The following NUFIP1 variants were observed in gnomAD, a reference collection of about 807,000 sequenced individuals.
NUFIP1 encodes the protein FMR1-interacting protein NUFIP1.
NUFIP1 carries 38 observed loss-of-function variants against 56.2 expected under a neutral mutation model. That is an observed-to-expected ratio of 0.68 (90% confidence interval 0.52 to 0.89). The LOEUF is 0.89. NUFIP1 is among the 40% of genes least tolerant of loss of function. The pLI is 0.00. For synonymous variants in NUFIP1, 215 were observed against 212.4 expected (o/e 1.01, Z -0.10); for missense variants, 567 against 605.8 (o/e 0.94, Z 0.67).
intron 5 of NUFIP1, among the ~76,000 whole-genome samples, chr13:44,968,175 A>C (rs949964676): frequency 6.6e-6 from 1 of 152,220 alleles, no homozygotes; most frequent in African/African-American, 2.4e-5. Context: ...ATTAATGTAC[A>C]AACTATAAAT....
intron 1 of NUFIP1, among the ~76,000 whole-genome samples, chr13:44,987,357 AAC>A (rs1297955181): frequency 2.0e-5 from 3 of 152,144 alleles, no homozygotes; most frequent in Non-Finnish European, 4.4e-5. Flanking sequence ...CAGCCTGAGC[AAC>A]AGAGACTCTG....
rs199660590 is a variant in NUFIP1, at chr13:44,989,048, T to G, written c.389A>C (p.His130Pro). The G allele has an allele frequency of 3.0e-5, 49 of 1,614,086 alleles. No homozygotes were observed. In the East Asian group the frequency reaches 1.0e-3, roughly 34 times the overall value. ...WRQSSDRFPR[H>P]QKSFNPAVKN... ...ACCTGCAGGGTTGAAGGACTTCTGA[T>G]GCCGAGGAAACCTATCAGAAGACTG... The change falls in exon 1 of 10, where the codon CAT becomes CCT. Residue 130 changes from histidine to proline, a missense_variant. His to Pro is a moderately conservative substitution (Grantham distance 77). Transcript: ENST00000379161.
chr13:44,953,115 C>T (rs1871131161), intron 7 of NUFIP1, among the ~76,000 whole-genome samples: 1 of 152,124 alleles, frequency 6.6e-6, no homozygotes, highest in Non-Finnish European at 1.5e-5. Flanking sequence ...TTCTCTACTA[C>T]AAAGTTACTA....
chr13:44,939,826 A>G lies in NUFIP1; in HGVS notation c.*1380T>C, dbSNP rs2137886768. The G allele has an allele frequency of 6.6e-6, 1 of 152,316 alleles. No individual in the cohort carries two copies. Among genetic ancestry groups the G allele is most frequent in the South Asian group, 2.1e-4 (1 of 4,824 alleles). 9.4% of individuals were successfully genotyped at this position (152,316 alleles called of 1,614,324 possible). A position where few individuals can be genotyped will look rare whatever the true frequency, so the allele number is the denominator to read the frequency against. The stretch of plus-strand genomic sequence containing the variant: ...GTGGGGATCAACAACATCCCTGGAG[A>G]TATGGTCATCAATGAAAGTAGTCCA... On this transcript the variant is annotated 3_prime_UTR_variant, in exon 10 of 10. Coordinates refer to ENST00000379161, the MANE Select transcript of NUFIP1 (RefSeq NM_012345.3).
intron 7 of NUFIP1, among the ~76,000 whole-genome samples, chr13:44,950,165 G>A (rs1173595865): frequency 6.6e-6 from 1 of 152,164 alleles, no homozygotes; most frequent in Non-Finnish European, 1.5e-5. Context: ...CAGGTAGTAG[G>A]AAGACCCAAA....
At chr13:44,946,417 C>T (rs1870903247) in intron 8 of NUFIP1, among the ~76,000 whole-genome samples, 1 of 152,080 alleles carries the variant, frequency 6.6e-6, no homozygotes, top group Admixed American at 6.5e-5. Context: ...TTTGAGGAAA[C>T]ATAATTTTGG....
At chr13:44,964,540 T>C (rs889923866) in intron 6 of NUFIP1, among the ~76,000 whole-genome samples, 3 of 152,052 alleles carry the variant, frequency 2.0e-5, no homozygotes, top group Non-Finnish European at 4.4e-5. Context: ...AATCCCTGAA[T>C]TGAGGAACTG....
intron 7 of NUFIP1, among the ~76,000 whole-genome samples, chr13:44,951,175 T>C (rs1344312450): frequency 9.9e-5 from 15 of 152,210 alleles, no homozygotes; most frequent in Admixed American, 9.8e-4. Context: ...TTTATGTGAA[T>C]TACTAGTAGA....
chr13:44,984,291 C>T (rs1227706350), intron 1 of NUFIP1, among the ~76,000 whole-genome samples: 1 of 152,194 alleles, frequency 6.6e-6, no homozygotes, highest in Non-Finnish European at 1.5e-5. Flanking sequence ...ATACTTATAA[C>T]ATATCTCATC....
At chr13:44,966,015 T>C in intron 5 of NUFIP1, 79 bp from the exon 6 acceptor site, 1 of 745,908 alleles carries the variant, frequency 1.3e-6, no homozygotes, top group Non-Finnish European at 2.0e-6. Flanking sequence ...TTGCTGAATT[T>C]AGCAATTTTG....
chr13:44,961,787 C>T (rs1871433495), intron 6 of NUFIP1, among the ~76,000 whole-genome samples: 1 of 152,144 alleles, frequency 6.6e-6, no homozygotes, highest in South Asian at 2.1e-4. Flanking sequence ...GATGCCTTCC[C>T]CGTTATCTTT....
At chr13:44,959,171 T>A (rs147327451) in intron 7 of NUFIP1, among the ~76,000 whole-genome samples, 3 of 152,292 alleles carry the variant, frequency 2.0e-5, no homozygotes, top group Non-Finnish European at 4.4e-5. Flanking sequence ...TCCTATAGCC[T>A]CCCTGCCCCA....
At chr13:44,977,623 A>G (rs1444511084) in intron 5 of NUFIP1, among the ~76,000 whole-genome samples, 1 of 152,242 alleles carries the variant, frequency 6.6e-6, no homozygotes, top group Non-Finnish European at 1.5e-5. Context: ...AAAGAGATCA[A>G]AGAAAAAGGT....
rs1871027748 is a variant in NUFIP1, at chr13:44,949,798, G to T, written c.1062C>A (p.Pro354=). 6.2e-7 allele frequency: 1 copy of T among 1,614,048 alleles called. No individual in the cohort carries two copies. Among genetic ancestry groups the T allele is most frequent in the Non-Finnish European group, 8.5e-7 (1 of 1,179,956 alleles). The change falls in exon 8 of 10, where the codon CCC becomes CCA. Residue 354 remains proline, a synonymous_variant. Transcript: ENST00000379161. ...KEEKPQHSVI[P]KEVTPALCSL... is the part of the protein sequence containing the mutation. ...AGCATAGGGCTGGTGTCACTTCCTT[G>T]GGTATCACAGAATGTTGTGGTTTCT...
chr13:44,958,813 T>C (rs979257716), intron 7 of NUFIP1, among the ~76,000 whole-genome samples: 1 of 152,230 alleles, frequency 6.6e-6, no homozygotes, highest in African/African-American at 2.4e-5. Context: ...GATATCTGTA[T>C]GTGACACCAG....
At chr13:44,943,731 C>A (rs1044677340) in intron 8 of NUFIP1, 57 bp from the exon 9 acceptor site, 2 of 1,359,034 alleles carry the variant, frequency 1.5e-6, no homozygotes, top group Non-Finnish European at 2.1e-6. Context: ...AACAGGTAGA[C>A]CTTTCAAAAG....
At chr13:44,970,357 T>G (rs192008031) in intron 5 of NUFIP1, among the ~76,000 whole-genome samples, 8 of 152,210 alleles carry the variant, frequency 5.3e-5, no homozygotes, top group Admixed American at 5.2e-4. Context: ...GATGTACTTT[T>G]GTCAAAGATA....
chr13:44,982,972 C>T (rs1227138839), intron 1 of NUFIP1, among the ~76,000 whole-genome samples: 1 of 152,188 alleles, frequency 6.6e-6, no homozygotes, highest in Non-Finnish European at 1.5e-5. Context: ...CATGCCACTA[C>T]ACTCCAGTCT....
chr13:44,957,805 G>GGAC (rs1358661633), intron 7 of NUFIP1, among the ~76,000 whole-genome samples: 2 of 152,116 alleles, frequency 1.3e-5, no homozygotes, highest in Non-Finnish European at 2.9e-5. Context: ...AGTCCTTCAA[G>GGAC]TGTTCATTTA....
Sources: allele counts gnomAD v4.1 joint callset (sites outside exome capture counted in the v4.1 genomes callset), GRCh38; gene constraint gnomAD v4.1.1; transcripts MANE v1.5; gene names NCBI Gene and HGNC (gene_info 2026-07-23, HGNC 2026-07-21).